The following TEKT5 variants were observed in gnomAD, a reference collection of about 807,000 sequenced individuals.
The protein encoded by TEKT5 is tektin-5.
TEKT5 carries 52 observed loss-of-function variants against 48.7 expected under a neutral mutation model. That is an observed-to-expected ratio of 1.07 (90% CI 0.86 to 1.35). TEKT5 has a LOEUF of 1.35. Among genes scored for constraint, TEKT5 ranks in the 40% most tolerant of loss-of-function variants. The probability of loss-of-function intolerance (pLI) is 0.00; values close to 1 mark genes in which losing one functional copy is unlikely to be tolerated. For missense variants in TEKT5, 831 were observed against 641.6 expected (o/e 1.30, Z -3.19); for synonymous variants, 318 against 267.6 (o/e 1.19, Z -1.84).
intron 5 of TEKT5, among the ~76,000 whole-genome samples, chr16:10,650,345 C>A (rs1332750346): frequency 1.3e-5 from 2 of 151,916 alleles, no homozygotes; most frequent in Non-Finnish European, 2.9e-5. Flanking sequence ...AGGTGATCTG[C>A]CCACCTCGGC....
At chr16:10,679,863 C>T (rs1029893500) in intron 4 of TEKT5, among the ~76,000 whole-genome samples, 3 of 142,996 alleles carry the variant, frequency 2.1e-5, no homozygotes, top group African/African-American at 7.5e-5. Flanking sequence ...CACCATTGCC[C>T]TCCAGCCTGG....
At chr16:10,665,728 C>T (rs892156029) in intron 5 of TEKT5, among the ~76,000 whole-genome samples, 2 of 152,210 alleles carry the variant, frequency 1.3e-5, no homozygotes, top group East Asian at 1.9e-4. Flanking sequence ...TCCAGGCACA[C>T]ACCACCCACG....
At chr16:10,682,456 T>G (rs1898773491) in intron 3 of TEKT5, among the ~76,000 whole-genome samples, 1 of 152,122 alleles carries the variant, frequency 6.6e-6, no homozygotes, top group African/African-American at 2.4e-5. Context: ...GCCTCCTGAG[T>G]AGCTAGGGCT....
At chr16:10,662,122 G>T (rs1381824542) in intron 5 of TEKT5, among the ~76,000 whole-genome samples, 1 of 152,168 alleles carries the variant, frequency 6.6e-6, no homozygotes, top group Non-Finnish European at 1.5e-5. Flanking sequence ...CTCCATGGTG[G>T]GGGGTAGGGA....
chr16:10,685,137 G>A (rs35911766), intron 3 of TEKT5, among the ~76,000 whole-genome samples: 34,447 of 152,110 alleles, frequency 0.23, 4,579 homozygotes, highest in East Asian at 0.52. Context: ...TCCATCCGGC[G>A]TGGCTCGGCC....
intron 5 of TEKT5, among the ~76,000 whole-genome samples, chr16:10,674,484 A>C (rs1434321317): frequency 6.6e-6 from 1 of 150,856 alleles, no homozygotes; most frequent in African/African-American, 2.4e-5. Flanking sequence ...AAACTAAAAA[A>C]CCTAGCCAGG....
At chr16:10,659,629 G>T (rs1423018481) in intron 5 of TEKT5, among the ~76,000 whole-genome samples, 1 of 152,158 alleles carries the variant, frequency 6.6e-6, no homozygotes, top group Non-Finnish European at 1.5e-5. Context: ...CCAAAGTGCT[G>T]GGATTACAGG....
At chr16:10,666,970 G>C (rs1348597772) in intron 5 of TEKT5, among the ~76,000 whole-genome samples, 6 of 136,100 alleles carry the variant, frequency 4.4e-5, no homozygotes, top group African/African-American at 1.8e-4. Flanking sequence ...CCTAACACTG[G>C]CTCCTTACTT....
intron 5 of TEKT5, among the ~76,000 whole-genome samples, chr16:10,656,764 A>T (rs1188795743): frequency 1.3e-5 from 2 of 152,176 alleles, no homozygotes; most frequent in African/African-American, 4.8e-5. Context: ...TTTTTGAAAC[A>T]GGGTCTTGCT....
chr16:10,680,712 A>C (rs1898731526), intron 4 of TEKT5, among the ~76,000 whole-genome samples: 1 of 151,670 alleles, frequency 6.6e-6, no homozygotes, highest in African/African-American at 2.4e-5. Context: ...CTTTGTAGGG[A>C]CATGGATGAA....
intron 5 of TEKT5, among the ~76,000 whole-genome samples, chr16:10,669,589 G>A (rs940307825): frequency 5.9e-5 from 9 of 152,178 alleles, no homozygotes; most frequent in African/African-American, 1.9e-4. Flanking sequence ...TGATATTAAT[G>A]CTATATCCAT....
intron 5 of TEKT5, among the ~76,000 whole-genome samples, chr16:10,671,258 G>T (rs1223341326): frequency 6.6e-6 from 1 of 152,178 alleles, no homozygotes. Flanking sequence ...AACTAAAAGA[G>T]CCTTTCCAAG....
intron 6 of TEKT5, among the ~76,000 whole-genome samples, chr16:10,632,000 C>T (rs1449092553): frequency 2.6e-5 from 4 of 151,650 alleles, no homozygotes; most frequent in South Asian, 2.1e-4. Context: ...GACTGTGCTG[C>T]GGGTCCCACC....
rs139833292 is a variant in TEKT5 at position 10,639,747 on chromosome 16, G to C, written c.1087-3829C>G. On this transcript the variant is annotated intron_variant, in intron 5 of 6. Coordinates refer to ENST00000283025, the MANE Select transcript of TEKT5 (RefSeq NM_144674.2). Reference sequence around the variant, plus strand: ...ACATCTCTGGCATAAGCAAAGGTTTGTGTCTCCACTAACACACCTCAGACA... The same window carrying C: ...ACATCTCTGGCATAAGCAAAGGTTTCTGTCTCCACTAACACACCTCAGACA... Among the ~76,000 whole-genome samples, 807 of 152,334 alleles carry C rather than the reference G, an allele frequency of 5.3e-3. 6 individuals are homozygous for C. The highest frequency in any genetic ancestry group is 0.018 in the African/African-American group (766 of 41,572).
chr16:10,650,943 G>C lies in TEKT5; in HGVS notation c.1087-15025C>G, dbSNP rs1369704630. On this transcript the variant is annotated intron_variant, in intron 5 of 6. Coordinates refer to ENST00000283025, the MANE Select transcript of TEKT5 (RefSeq NM_144674.2). ...GGGGGCAGCCCCTGCTTGTGCACTAGAAACACTGGGGCACCATGACAGCTT... is the reference window on the plus strand; with the variant it reads ...GGGGGCAGCCCCTGCTTGTGCACTACAAACACTGGGGCACCATGACAGCTT... Among the ~76,000 whole-genome samples, 5 of 151,700 alleles carry C rather than the reference G, an allele frequency of 3.3e-5. No individual in the cohort carries two copies. The East Asian group carries it at 9.7e-4, about 29-fold the overall frequency.
intron 5 of TEKT5, among the ~76,000 whole-genome samples, chr16:10,636,688 T>C (rs1897917694): frequency 9.9e-6 from 1 of 100,908 alleles, no homozygotes; most frequent in South Asian, 4.4e-4. Flanking sequence ...TATACATACA[T>C]ACGTGTGTGT....
At chr16:10,682,887 C>A (rs1447408771) in intron 3 of TEKT5, among the ~76,000 whole-genome samples, 2 of 152,186 alleles carry the variant, frequency 1.3e-5, no homozygotes, top group Non-Finnish European at 1.5e-5. Context: ...TTGGACAAAG[C>A]CTGATGCAAG....
At chr16:10,689,002 C>A (rs1281199089) in intron 3 of TEKT5, among the ~76,000 whole-genome samples, 1 of 152,168 alleles carries the variant, frequency 6.6e-6, no homozygotes, top group Non-Finnish European at 1.5e-5. Context: ...TTGTACACAT[C>A]TCAGTAACAT....
At chr16:10,630,149 G>A (rs1897817189) in intron 6 of TEKT5, among the ~76,000 whole-genome samples, 1 of 152,000 alleles carries the variant, frequency 6.6e-6, no homozygotes, top group African/African-American at 2.4e-5. Context: ...GCCCAGGCTG[G>A]TCTCAAACTC....
Sources: allele counts gnomAD v4.1 joint callset (sites outside exome capture counted in the v4.1 genomes callset), GRCh38; gene constraint gnomAD v4.1.1; transcripts MANE v1.5; gene names NCBI Gene and HGNC (gene_info 2026-07-23, HGNC 2026-07-21).